SLIT3: variants seen among roughly 807,000 people sequenced by gnomAD.
SLIT3 encodes the protein slit guidance ligand 3, also known as slit homolog 3 protein.
Under a neutral mutation model 184.0 loss-of-function variants are expected in SLIT3, and 68 were observed. That is an observed-to-expected ratio of 0.37 (90% CI 0.30 to 0.45). The LOEUF (loss-of-function observed/expected upper bound fraction) is 0.45, where lower values mean the gene tolerates loss of function less well. SLIT3 is among the 20% of genes least tolerant of loss of function. The probability of loss-of-function intolerance (pLI) is 1.00; values close to 1 mark genes in which losing one functional copy is unlikely to be tolerated. For synonymous variants in SLIT3, 831 were observed against 828.6 expected (o/e 1.00, Z -0.05); for missense variants, 1,707 against 2,026.0 (o/e 0.84, Z 3.02).
chr5:168,708,054 G>A lies in SLIT3; in HGVS notation c.2766C>T (p.Ser922=). 6.2e-7 allele frequency: 1 copy of A among 1,614,210 alleles called. No homozygotes were observed. The highest frequency in any genetic ancestry group is 8.5e-7 in the Non-Finnish European group (1 of 1,180,038). ...NIVAKCNACL[S]SPCKNNGTCT... is the part of the protein sequence containing the mutation. The stretch of plus-strand genomic sequence containing the variant: ...ATGTCCCGTTATTCTTGCACGGGCT[G>A]GAGAGGCAGGCATTGCATTTGGCCA... Residue 922 remains serine (S), a synonymous_variant, in exon 26 of 36, where the codon TCC becomes TCT. Transcript: ENST00000519560.
At chr5:169,071,205 T>A (rs1239799442) in intron 4 of SLIT3, among the ~76,000 whole-genome samples, 1 of 152,244 alleles carries the variant, frequency 6.6e-6, no homozygotes, top group Non-Finnish European at 1.5e-5. Context: ...AAACACCTTT[T>A]TACACTTAAT....
At chr5:169,003,545 T>TGAACACAGAC (rs1373970942) in intron 4 of SLIT3, among the ~76,000 whole-genome samples, 4 of 152,214 alleles carry the variant, frequency 2.6e-5, no homozygotes, top group African/African-American at 9.6e-5. Flanking sequence ...TGAACACAGA[T>TGAACACAGAC]GTGAACACAG....
At position 168,663,600 on chromosome 5, in the gene SLIT3, T is replaced by G. The variant is rs933338443; in HGVS notation, c.*2854A>C. On this transcript the variant is annotated 3_prime_UTR_variant, in exon 36 of 36. Transcript: ENST00000519560. The stretch of plus-strand genomic sequence containing the variant: ...GGCCCAGTTTAGCATGCACAGCTCT[T>G]TGTGGTCAAAACCCTACCTTCCTAC... The G allele has an allele frequency of 1.3e-5, 2 of 152,278 alleles. No individual in the cohort carries two copies. Among genetic ancestry groups the G allele is most frequent in the Non-Finnish European group, 2.9e-5 (2 of 68,150 alleles). The allele number at this position is 152,278 out of a possible 1,614,324, so 9.4% of individuals were successfully genotyped here.
rs137998736 is a variant in SLIT3 at position 168,823,306 on chromosome 5, G to A, written c.583C>T (p.Arg195Cys). The change falls in exon 7 of 36, where the codon CGC becomes TGC. Residue 195 changes from arginine to cysteine, a missense_variant. Transcript: ENST00000519560. Reference protein sequence around the residue: ...ILTLNNNNISRILVTSFNHMP... With the variant: ...ILTLNNNNISCILVTSFNHMP... ...TGGTTGAAGCTGGTGACCAGGATGC[G>A]ACTGATGTTGTTGTTGTTGAGGGTA... The A allele has an allele frequency of 1.9e-5, 31 of 1,613,946 alleles. No homozygotes were observed. The highest frequency in any genetic ancestry group is 4.0e-5 in the African/African-American group (3 of 75,006).
At chr5:168,760,089 G>A (rs112390383) in intron 16 of SLIT3, among the ~76,000 whole-genome samples, 2,149 of 152,316 alleles carry the variant, frequency 0.014, 63 homozygotes, top group African/African-American at 0.049. Context: ...AGAAGTCACA[G>A]AAACTTTTTG....
intron 5 of SLIT3, among the ~76,000 whole-genome samples, chr5:168,857,570 C>T (rs1369720091): frequency 3.3e-5 from 5 of 152,180 alleles, no homozygotes; most frequent in African/African-American, 1.2e-4. Context: ...CCCTCAAGAG[C>T]TGGCACTCAG....
At chr5:168,946,576 T>C (rs1762490078) in intron 4 of SLIT3, among the ~76,000 whole-genome samples, 1 of 152,210 alleles carries the variant, frequency 6.6e-6, no homozygotes, top group South Asian at 2.1e-4. Context: ...GGCTTGGTGA[T>C]GGCAGGGACC....
chr5:168,774,574 C>T (rs758377317), intron 12 of SLIT3, among the ~76,000 whole-genome samples, 196 bp from the exon 13 acceptor site: 4 of 152,178 alleles, frequency 2.6e-5, no homozygotes, highest in Non-Finnish European at 4.4e-5. Flanking sequence ...TGGGCACCTG[C>T]ACACACTGTC....
chr5:169,015,896 G>A (rs1408926992), intron 4 of SLIT3, among the ~76,000 whole-genome samples: 1 of 148,294 alleles, frequency 6.7e-6, no homozygotes, highest in Non-Finnish European at 1.5e-5. Flanking sequence ...CTCCAGCCTG[G>A]CTGATAGAAT....
intron 11 of SLIT3, among the ~76,000 whole-genome samples, chr5:168,786,244 A>G (rs1247830299): frequency 6.6e-6 from 1 of 152,196 alleles, no homozygotes; most frequent in African/African-American, 2.4e-5. Flanking sequence ...ATAATCCCCA[A>G]CAGGAAGAAG....
At chr5:169,058,948 T>TATG (rs1483312648) in intron 4 of SLIT3, among the ~76,000 whole-genome samples, 10 of 152,302 alleles carry the variant, frequency 6.6e-5, no homozygotes, top group Admixed American at 2.0e-4. Flanking sequence ...GTTGGGCACC[T>TATG]TTGCACAAAC....
chr5:168,924,902 C>T (rs951790465), intron 4 of SLIT3, among the ~76,000 whole-genome samples: 2 of 152,058 alleles, frequency 1.3e-5, no homozygotes, highest in African/African-American at 4.8e-5. Flanking sequence ...CAGAGCAGAG[C>T]GGAGAAAGAA....
chr5:168,974,835 A>AG (rs1249126877), intron 4 of SLIT3, among the ~76,000 whole-genome samples: 1 of 152,210 alleles, frequency 6.6e-6, no homozygotes, highest in East Asian at 1.9e-4. Context: ...CAACTGCTGC[A>AG]GGGGGTTCAG....
intron 4 of SLIT3, among the ~76,000 whole-genome samples, chr5:169,157,522 C>G (rs1328105845): frequency 6.6e-6 from 1 of 152,192 alleles, no homozygotes; most frequent in Non-Finnish European, 1.5e-5. Context: ...ATTTGGATTT[C>G]CACCCCTATC....
chr5:169,134,621 G>C (rs1376521742), intron 4 of SLIT3, among the ~76,000 whole-genome samples: 1 of 152,122 alleles, frequency 6.6e-6, no homozygotes, highest in Non-Finnish European at 1.5e-5. Flanking sequence ...GCTGGGGGAG[G>C]GATAGCATTA....
chr5:168,724,308 A>T, intron 21 of SLIT3, 108 bp downstream of exon 21: 1 of 743,424 alleles, frequency 1.3e-6, no homozygotes, highest in Non-Finnish European at 2.1e-6. Context: ...TCTTTCAATT[A>T]CCACTTGCAT....
intron 4 of SLIT3, among the ~76,000 whole-genome samples, chr5:168,965,038 A>G (rs1328835921): frequency 6.6e-6 from 1 of 152,146 alleles, no homozygotes; most frequent in African/African-American, 2.4e-5. Context: ...CCTGAAAGAG[A>G]GAGGGCCTCC....
chr5:168,855,514 C>T (rs1354284034), intron 5 of SLIT3, among the ~76,000 whole-genome samples: 3 of 152,144 alleles, frequency 2.0e-5, no homozygotes, highest in Non-Finnish European at 2.9e-5. Context: ...GTGGTATGTA[C>T]ACATAAAGGA....
chr5:169,189,861 A>G (rs1763493110), intron 4 of SLIT3, among the ~76,000 whole-genome samples: 1 of 152,132 alleles, frequency 6.6e-6, no homozygotes, highest in African/African-American at 2.4e-5. Context: ...ATAGACATGA[A>G]GTGCTCAGAA....
Sources: allele counts gnomAD v4.1 joint callset (sites outside exome capture counted in the v4.1 genomes callset), GRCh38; gene constraint gnomAD v4.1.1; transcripts MANE v1.5; gene names NCBI Gene and HGNC (gene_info 2026-07-23, HGNC 2026-07-21).